RNF17: variants seen among roughly 807,000 people sequenced by gnomAD.
The protein encoded by RNF17 is spermatogenesis associated 23.
In RNF17, 31 loss-of-function variants were observed where a neutral mutation model predicts 200.5. That is an observed-to-expected ratio of 0.15 (90% CI 0.12 to 0.21). The LOEUF (loss-of-function observed/expected upper bound fraction) is 0.21. Ranked by LOEUF, RNF17 falls within the 10% of genes least tolerant of loss-of-function variation. The probability of loss-of-function intolerance (pLI) is 1.00; values close to 1 mark genes in which losing one functional copy is unlikely to be tolerated. For synonymous variants in RNF17, 606 were observed against 637.8 expected, an observed-to-expected ratio of 0.95 and a Z score of 0.75; for missense variants, 1,628 against 1,905.1, an observed-to-expected ratio of 0.85 and a Z score of 2.71.
chr13:24,758,741 A>C, the RNF17 span, among the ~76,000 whole-genome samples: 1 of 152,140 alleles, frequency 6.6e-6, no homozygotes, highest in African/African-American at 2.4e-5. Context: ...CAAAATAAAA[A>C]AGAAATAGAA....
rs2138247124 is a variant in RNF17, at chr13:24,854,113, T to C, written c.3579T>C (p.Asp1193=). ...CAACAGTCAGCTGTGTTGGTGATGA[T>C]GGAACTATATTTGTAGTACCTAAAC... ...FEATVSCVGD[D]GTIFVVPKLS... is the part of the protein sequence containing the mutation. Residue 1193 remains aspartate, a synonymous_variant, in exon 25 of 36, where the codon GAT becomes GAC. Transcript: ENST00000255324. 6.2e-7 allele frequency: 1 copy of C among 1,613,756 alleles called. No individual in the cohort carries two copies. Among genetic ancestry groups the C allele is most frequent in the Middle Eastern group, 1.7e-4 (1 of 6,058 alleles).
chr13:24,759,394 G>T (rs1325762020), upstream of RNF17, among the ~76,000 whole-genome samples: 1 of 152,172 alleles, frequency 6.6e-6, no homozygotes, highest in Non-Finnish European at 1.5e-5. Flanking sequence ...AACTGTAGTA[G>T]TTCCTTCTGG....
the RNF17 span, chr13:24,885,554 T>C: frequency 7.2e-7 from 1 of 1,388,464 alleles, no homozygotes; most frequent in Non-Finnish European, 1.0e-6. Context: ...AACAAATTGA[T>C]TTCAAGCCTA....
intron 5 of RNF17, 74 bp from the exon 6 acceptor site, chr13:24,781,770 C>G: frequency 9.3e-7 from 1 of 1,074,842 alleles, no homozygotes; most frequent in East Asian, 2.5e-5. Context: ...GTACCTTTTA[C>G]TTTCAAAATT....
chr13:24,820,681 C>T (rs1404323473), intron 15 of RNF17, among the ~76,000 whole-genome samples: 1 of 151,654 alleles, frequency 6.6e-6, no homozygotes, highest in African/African-American at 2.4e-5. Flanking sequence ...AGTGATCACC[C>T]CCCTTGGCCT....
At chr13:24,754,175 A>T in the RNF17 span, among the ~76,000 whole-genome samples, 2 of 151,484 alleles carry the variant, frequency 1.3e-5, no homozygotes, top group Non-Finnish European at 2.9e-5. Context: ...ATTAAAAAAA[A>T]AATAAAATAA....
intron 18 of RNF17, 130 bp downstream of exon 18, chr13:24,832,108 A>C (rs1310225720): frequency 3.3e-6 from 2 of 610,776 alleles, no homozygotes; most frequent in Non-Finnish European, 5.4e-6. Flanking sequence ...ATTTGTTGAG[A>C]ATTAGGTACA....
chr13:24,781,456 A>C (rs1009197405), intron 5 of RNF17, among the ~76,000 whole-genome samples: 2 of 150,866 alleles, frequency 1.3e-5, no homozygotes, highest in African/African-American at 4.9e-5. Context: ...ACATAATGAG[A>C]CTTTGTTCCT....
intron 34 of RNF17, among the ~76,000 whole-genome samples, chr13:24,878,980 G>C (rs79933264): frequency 0.04 from 6,020 of 152,192 alleles, 172 homozygotes; most frequent in Middle Eastern, 0.13. Context: ...GGAAGACCTT[G>C]TGAGAAGGAA....
intron 15 of RNF17, among the ~76,000 whole-genome samples, chr13:24,820,270 C>T (rs1887889331): frequency 1.3e-5 from 2 of 151,746 alleles, no homozygotes; most frequent in South Asian, 2.1e-4. Flanking sequence ...TTCAGGTGTG[C>T]ACCACGATGC....
chr13:24,788,423 A>T (rs1308551743), intron 7 of RNF17, among the ~76,000 whole-genome samples: 1 of 152,034 alleles, frequency 6.6e-6, no homozygotes, highest in Non-Finnish European at 1.5e-5. Context: ...TCTTTGTAAC[A>T]CTTGATCTGA....
intron 22 of RNF17, among the ~76,000 whole-genome samples, chr13:24,849,472 T>C (rs184071473): frequency 3.3e-4 from 51 of 152,340 alleles, no homozygotes; most frequent in Admixed American, 1.5e-3. Context: ...TGTTTTTAGC[T>C]CATCAGCTAC....
downstream of RNF17, chr13:24,883,119 T>C (rs1172008649): frequency 5.0e-6 from 7 of 1,392,472 alleles, no homozygotes; most frequent in Admixed American, 8.4e-5. Context: ...CCACAGTAAA[T>C]GTACATTTTT....
At chr13:24,761,561 C>T (rs1388562365), upstream of RNF17, among the ~76,000 whole-genome samples, 1 of 152,170 alleles carries the variant, frequency 6.6e-6, no homozygotes, top group Non-Finnish European at 1.5e-5. Context: ...CCCTGTTTAT[C>T]TCATTTCTCA....
At chr13:24,804,761 TTA>T (rs1885652156) in intron 15 of RNF17, among the ~76,000 whole-genome samples, 1 of 152,200 alleles carries the variant, frequency 6.6e-6, no homozygotes, top group Non-Finnish European at 1.5e-5. Flanking sequence ...TTACCGATTA[TTA>T]TTAGGTGTTT....
At chr13:24,865,734 C>T (rs1003919111) in intron 29 of RNF17, among the ~76,000 whole-genome samples, 32 of 152,158 alleles carry the variant, frequency 2.1e-4, no homozygotes, top group African/African-American at 5.8e-4. Context: ...CTGTAATCCT[C>T]ACTGCCAGCT....
At chr13:24,804,123 G>A (rs1885569602) in intron 14 of RNF17, among the ~76,000 whole-genome samples, 165 bp from the exon 15 acceptor site, 1 of 152,122 alleles carries the variant, frequency 6.6e-6, no homozygotes, top group African/African-American at 2.4e-5. Flanking sequence ...TTAGCCAGGT[G>A]TGATGGCATG....
At position 24,879,307 on chromosome 13, in the gene RNF17, T is replaced by C; in HGVS notation, c.*10+12T>C. 6.7e-7 allele frequency: 1 copy of C among 1,494,514 alleles called. No individual in the cohort carries two copies. 92.6% of individuals were successfully genotyped at this position (1,494,514 alleles called of 1,614,324 possible). On this transcript the variant is annotated intron_variant, in intron 35 of 35. Transcript: ENST00000255324. ...ATAAGTGCCTAAGTGTAAGTTCTCA[T>C]TCTCTTCATAGCATAAGGCATGGGA...
intron 15 of RNF17, among the ~76,000 whole-genome samples, chr13:24,813,535 T>G (rs1161829574): frequency 6.6e-6 from 1 of 152,206 alleles, no homozygotes; most frequent in Non-Finnish European, 1.5e-5. Flanking sequence ...TACTAAATTC[T>G]TATGAGATAT....
Sources: gnomAD v4.1 joint callset for allele counts (sites outside exome capture counted in the v4.1 genomes callset) on GRCh38, gnomAD v4.1.1 for gene constraint, MANE v1.5 for transcripts, NCBI Gene and HGNC (gene_info 2026-07-23, HGNC 2026-07-21) for gene names.